The following MRPL34 variants were observed in gnomAD, a reference collection of about 807,000 sequenced individuals.
MRPL34 encodes the protein mitochondrial ribosomal protein L34.
MRPL34 carries 8 observed loss-of-function variants against 6.7 expected under a neutral mutation model. The ratio of observed to expected loss-of-function variants is 1.20; its 90% CI spans 0.70 to 2.16. MRPL34 has a LOEUF of 2.16. Among genes scored for constraint, MRPL34 ranks in the 30% most tolerant of loss-of-function variants. MRPL34 has a pLI of 0.00. For missense variants in MRPL34, 146 were observed against 125.5 expected (o/e 1.16, Z -0.78); for synonymous variants, 59 against 55.1 (o/e 1.07, Z -0.31).
intron 1 of MRPL34, chr19:17,296,065 A>G (rs890767641): frequency 6.6e-6 from 1 of 152,248 alleles, no homozygotes; most frequent in Non-Finnish European, 1.5e-5. Flanking sequence ...TTGGAAGCCA[A>G]GATTCTTCCC....
At position 17,305,878 on chromosome 19, in the gene MRPL34, G is replaced by A. The variant is rs112118651; in HGVS notation, c.-15G>A. On this transcript the variant is annotated 5_prime_UTR_variant, in exon 1 of 2. Transcript: ENST00000252602. ...GGAATCGCCCGCAGCCGGTACTGCG[G>A]GACCCACTGCGGATATGGCTGTCTT... The A allele has an allele frequency of 1.2e-6, 2 of 1,613,944 alleles. No homozygotes were observed. The highest frequency in any genetic ancestry group is 2.7e-5 in the African/African-American group (2 of 75,056).
rs761490842 is a variant in MRPL34, at chr19:17,294,520, G to A, written c.214+1666G>A. The A allele has an allele frequency of 7.4e-6, 12 of 1,613,428 alleles. No homozygotes were observed. The South Asian group carries it at 1.1e-4, about 15-fold the overall frequency. ...GAAGCCGGCCCTGGTGGTGGTGGAG[G>A]CACCGCTAGAGCCCCTTATGCCAGC... On this transcript the variant is annotated intron_variant, in intron 1 of 2. Transcript: ENST00000595444.
Position 17,294,897 on chromosome 19 carries a change from G to A in MRPL34, c.214+2043G>A, listed in dbSNP as rs745732971. 2.5e-6 allele frequency: 4 copies of A among 1,585,502 alleles called. No homozygotes were observed. In the African/African-American group the frequency reaches 5.4e-5, roughly 21 times the overall value. Reference sequence around the variant, plus strand: ...AGGATTGAAGGGAGGCGGTCAGCAGGATACAAGCAGTGACCATTTTGTTTT... The same window carrying A: ...AGGATTGAAGGGAGGCGGTCAGCAGAATACAAGCAGTGACCATTTTGTTTT... On this transcript the variant is annotated intron_variant, in intron 1 of 2. Coordinates refer to the MRPL34 transcript ENST00000595444.
At chr19:17,297,917 C>CTT (rs11299354), upstream of MRPL34, 57 of 136,182 alleles carry the variant, frequency 4.2e-4, 1 homozygote, top group East Asian at 1.8e-3. Flanking sequence ...TTTCTTTTTT[C>CTT]TTTTTTTTTT....
chr19:17,305,862 C>A (rs373416885), upstream of MRPL34: 1 of 1,612,016 alleles, frequency 6.2e-7, no homozygotes, highest in Admixed American at 1.7e-5. Flanking sequence ...CGGAATCGCC[C>A]GCAGCCGGTA....
chr19:17,297,359 G>C (rs148902130), intron 1 of MRPL34, among the ~76,000 whole-genome samples: 243 of 151,966 alleles, frequency 1.6e-3, no homozygotes, highest in African/African-American at 5.7e-3. Context: ...GCAATGGTGC[G>C]ATCTCGGCTC....
chr19:17,300,984 G>A (rs771791316), upstream of MRPL34: 3 of 1,613,458 alleles, frequency 1.9e-6, no homozygotes, highest in Non-Finnish European at 2.5e-6. Flanking sequence ...CCCCGTGGCC[G>A]GCCAGGTCAG....
chr19:17,305,667 G>T (rs2074142200), upstream of MRPL34: 2 of 584,354 alleles, frequency 3.4e-6, no homozygotes, highest in Non-Finnish European at 6.1e-6. Context: ...GGCGCCGTTC[G>T]CCGGCTACCT....
chr19:17,301,042 T>C (rs765242155), upstream of MRPL34: 2 of 1,613,488 alleles, frequency 1.2e-6, no homozygotes, highest in Admixed American at 3.3e-5. Context: ...CAGCTGCTCC[T>C]TCCAGATGGC....
chr19:17,305,840 G>C (rs368255292), upstream of MRPL34: 1 of 1,547,698 alleles, frequency 6.5e-7, no homozygotes, highest in Non-Finnish European at 8.9e-7. Flanking sequence ...GGGCTGGAGC[G>C]GCTCTGGGCT....
At chr19:17,305,325 G>C (rs1159765943), upstream of MRPL34, among the ~76,000 whole-genome samples, 2 of 146,278 alleles carry the variant, frequency 1.4e-5, no homozygotes, top group East Asian at 4.1e-4. Flanking sequence ...CCAAAGACAA[G>C]CTTGCAATCC....
At chr19:17,299,235 C>CCG (rs1555720780), upstream of MRPL34, among the ~76,000 whole-genome samples, 39 of 10,804 alleles carry the variant, frequency 3.6e-3, 2 homozygotes, top group African/African-American at 0.015. Flanking sequence ...CATAATGAGA[C>CCG]CCCCCCCCCA....
At chr19:17,297,092 G>A (rs28419078) in intron 1 of MRPL34, among the ~76,000 whole-genome samples, 5,444 of 152,304 alleles carry the variant, frequency 0.036, 322 homozygotes, top group African/African-American at 0.12. Context: ...TTAAGGAAAT[G>A]TTTGCCAGCC....
chr19:17,300,212 C>CT (rs922225079), upstream of MRPL34, among the ~76,000 whole-genome samples: 2 of 149,946 alleles, frequency 1.3e-5, no homozygotes, highest in Admixed American at 1.3e-4. Flanking sequence ...ATTTTTTTTT[C>CT]TTTTTTAAAG....
chr19:17,299,322 G>A (rs2074107035), upstream of MRPL34, among the ~76,000 whole-genome samples: 1 of 151,526 alleles, frequency 6.6e-6, no homozygotes, highest in Non-Finnish European at 1.5e-5. Context: ...AGCGCTTTGG[G>A]AGGCCGAGGA....
upstream of MRPL34, among the ~76,000 whole-genome samples, chr19:17,299,415 G>T (rs1433043157): frequency 6.6e-6 from 1 of 151,906 alleles, no homozygotes; most frequent in African/African-American, 2.4e-5. Context: ...CAAAAAATTA[G>T]CCAGGCATGG....
chr19:17,305,417 C>A (rs2074141169), upstream of MRPL34, among the ~76,000 whole-genome samples: 1 of 152,204 alleles, frequency 6.6e-6, no homozygotes, highest in Non-Finnish European at 1.5e-5. Flanking sequence ...CAGGCCTCCT[C>A]GGCTTCCTGC....
At chr19:17,295,644 G>A (rs1180538588) in intron 1 of MRPL34, among the ~76,000 whole-genome samples, 1 of 152,126 alleles carries the variant, frequency 6.6e-6, no homozygotes, top group African/African-American at 2.4e-5. Context: ...CTGACCTCAA[G>A]TGATCCACCC....
chr19:17,305,696 C>A, upstream of MRPL34: 1 of 645,012 alleles, frequency 1.6e-6, no homozygotes, highest in South Asian at 1.7e-5. Context: ...GTATGCAGAG[C>A]ATCCCTGTGC....
Sources: allele counts gnomAD v4.1 joint callset (sites outside exome capture counted in the v4.1 genomes callset), GRCh38; gene constraint gnomAD v4.1.1; transcripts MANE v1.5; gene names NCBI Gene and HGNC (gene_info 2026-07-23, HGNC 2026-07-21).